Variants in ATP2B2 observed in about 807,000 individuals in gnomAD.
ATP2B2 encodes plasma membrane calcium-transporting ATPase 2.
A neutral mutation model predicts 120.0 loss-of-function variants in ATP2B2; 15 were observed. The observed-to-expected ratio is 0.12, with a 90% CI of 0.08 to 0.19. ATP2B2 has a LOEUF of 0.19. ATP2B2 is among the 10% of genes least tolerant of loss of function. The pLI is 1.00. For missense variants in ATP2B2, 1,045 were observed against 1,719.8 expected, an observed-to-expected ratio of 0.61 and a Z score of 6.94; for synonymous variants, 694 against 700.3, an observed-to-expected ratio of 0.99 and a Z score of 0.14.
chr3:10,585,061 T>C (rs1431036289), intron 2 of ATP2B2, among the ~76,000 whole-genome samples: 1 of 152,110 alleles, frequency 6.6e-6, no homozygotes, highest in Non-Finnish European at 1.5e-5. Flanking sequence ...TCACCTCTGG[T>C]CTGGATGCCG....
At chr3:10,416,802 C>G (rs1040534152) in intron 2 of ATP2B2, among the ~76,000 whole-genome samples, 2 of 150,854 alleles carry the variant, frequency 1.3e-5, no homozygotes, top group African/African-American at 2.4e-5. Flanking sequence ...ACTTTAATGT[C>G]GAAAATGCAA....
intron 2 of ATP2B2, among the ~76,000 whole-genome samples, chr3:10,618,835 T>C (rs948061035): frequency 6.6e-6 from 1 of 152,182 alleles, no homozygotes; most frequent in African/African-American, 2.4e-5. Context: ...GCCCATAATC[T>C]CTAAACTTAG....
intron 5 of ATP2B2, among the ~76,000 whole-genome samples, chr3:10,392,982 C>T (rs2061905599): frequency 6.6e-6 from 1 of 152,182 alleles, no homozygotes; most frequent in African/African-American, 2.4e-5. Context: ...GACAGAATGA[C>T]CAGATGGCGC....
chr3:10,421,609 G>A (rs1384801121), intron 2 of ATP2B2, among the ~76,000 whole-genome samples: 3 of 152,204 alleles, frequency 2.0e-5, no homozygotes, highest in African/African-American at 7.2e-5. Flanking sequence ...AAGTTCGGCT[G>A]TCACAGCATC....
rs7627143 is a variant in ATP2B2 at position 10,623,861 on chromosome 3, A to G, written c.-459-3900T>C. 2.7e-3 allele frequency among the ~76,000 whole-genome samples: 414 copies of G among 152,278 alleles called. 1 individual carries two copies. Among genetic ancestry groups the G allele is most frequent in the African/African-American group, 9.4e-3 (389 of 41,562 alleles). On this transcript the variant is annotated intron_variant, in intron 1 of 21. Coordinates refer to the ATP2B2 transcript ENST00000646379. ...CCCAAGGCCCAAACAACATGCCCTAAACAGCCTGCTTCCAAGGGAGAAGCC... is the reference window on the plus strand; with the variant it reads ...CCCAAGGCCCAAACAACATGCCCTAGACAGCCTGCTTCCAAGGGAGAAGCC...
rs563589103 is a variant in ATP2B2, at chr3:10,349,000, A to G, written c.2404+1112T>C. ...TCTGCTTCCATTAATGTCCTTGGGC[A>G]GCACCTTTGAAAGAGGAATCCAAGA... On this transcript the variant is annotated intron_variant, in intron 16 of 22. Transcript: ENST00000360273. Among the ~76,000 whole-genome samples the G allele has an allele frequency of 8.5e-5, 13 of 152,362 alleles. No homozygotes were observed. In the East Asian group the frequency reaches 2.1e-3, roughly 25 times the overall value.
intron 1 of ATP2B2, chr3:10,626,089 G>GT (rs1238570813): frequency 6.6e-6 from 1 of 152,086 alleles, no homozygotes; most frequent in Non-Finnish European, 1.5e-5. Flanking sequence ...GTACTTTTTA[G>GT]TACAGGTGTT....
At chr3:10,574,650 C>A (rs1052439382) in intron 2 of ATP2B2, among the ~76,000 whole-genome samples, 4 of 152,162 alleles carry the variant, frequency 2.6e-5, no homozygotes, top group Non-Finnish European at 5.9e-5. Context: ...CACAAAGTCA[C>A]TTGTAAAACA....
Position 10,505,502 on chromosome 3 carries a change from CCGGCGG to C in ATP2B2, c.-363_-358del, listed in dbSNP as rs2066589356. 6.6e-6 allele frequency: 1 copy of C among 151,324 alleles called. No individual in the cohort carries two copies. Among genetic ancestry groups the C allele is most frequent in the South Asian group, 2.1e-4 (1 of 4,758 alleles). 9.4% of individuals were successfully genotyped at this position (151,324 alleles called of 1,614,324 possible). A position where few individuals can be genotyped will look rare whatever the true frequency, so the allele number is the denominator to read the frequency against. Reference sequence around the variant, plus strand: ...ATCACCACCAATCCTGCACGGTTTCCCGGCGGGCAGCCCCGTAATCGCGGTGCGGCA... The same window carrying C: ...ATCACCACCAATCCTGCACGGTTTCCGCAGCCCCGTAATCGCGGTGCGGCA... On this transcript the variant is annotated 5_prime_UTR_variant, in exon 1 of 23. Transcript: ENST00000360273.
At chr3:10,556,511 T>C (rs1383100169) in intron 2 of ATP2B2, among the ~76,000 whole-genome samples, 6 of 152,212 alleles carry the variant, frequency 3.9e-5, no homozygotes. Flanking sequence ...TTCTGTCTTA[T>C]AGAAGGGGGC....
intron 1 of ATP2B2, among the ~76,000 whole-genome samples, chr3:10,502,029 C>G (rs1041439900): frequency 6.6e-6 from 1 of 152,208 alleles, no homozygotes; most frequent in Non-Finnish European, 1.5e-5. Context: ...TGACCCATAC[C>G]TGTGGCTGGG....
chr3:10,701,535 C>A (rs922658456), intron 1 of ATP2B2, among the ~76,000 whole-genome samples: 1 of 152,090 alleles, frequency 6.6e-6, no homozygotes, highest in Non-Finnish European at 1.5e-5. Context: ...TGAGGAGTGA[C>A]AGTTTGTATT....
chr3:10,376,140 G>A (rs1324164375), intron 10 of ATP2B2, among the ~76,000 whole-genome samples: 2 of 152,176 alleles, frequency 1.3e-5, no homozygotes, highest in Non-Finnish European at 2.9e-5. Context: ...GGACACAGCA[G>A]TAAAGAAGAC....
chr3:10,488,233 CT>C (rs1277121293), intron 1 of ATP2B2, among the ~76,000 whole-genome samples: 40 of 104,578 alleles, frequency 3.8e-4, no homozygotes, highest in Admixed American at 9.4e-4. Flanking sequence ...ACTCATCCAC[CT>C]ATCCATCCAT....
chr3:10,402,045 GC>G lies in ATP2B2; in HGVS notation c.655+45del. On this transcript the variant is annotated intron_variant, in intron 4 of 22. Transcript: ENST00000360273. The surrounding 1 kb of genome is among the most constrained non-coding windows in gnomAD (Gnocchi z 4.9). ...CATCAGCCTGGCCTGTCCCACCTCT[GC>G]CGGAATCCAGCTTTAGAACCTGGCT... 1 of 1,608,492 alleles carries G rather than the reference GC, an allele frequency of 6.2e-7. No individual in the cohort carries two copies. Among genetic ancestry groups the G allele is most frequent in the South Asian group, 1.1e-5 (1 of 91,056 alleles).
intron 2 of ATP2B2, among the ~76,000 whole-genome samples, chr3:10,599,559 T>C (rs933757322): frequency 6.6e-6 from 1 of 152,098 alleles, no homozygotes; most frequent in African/African-American, 2.4e-5. Context: ...CTGTCCAGCA[T>C]GGGCCCGCCA....
intron 2 of ATP2B2, among the ~76,000 whole-genome samples, chr3:10,438,239 G>C (rs1435070810): frequency 6.6e-6 from 1 of 152,148 alleles, no homozygotes; most frequent in Non-Finnish European, 1.5e-5. Context: ...AGTCTCTCAG[G>C]CTCCTATTCC....
chr3:10,554,206 C>T (rs896860420), intron 2 of ATP2B2, among the ~76,000 whole-genome samples: 2 of 152,152 alleles, frequency 1.3e-5, no homozygotes, highest in Non-Finnish European at 2.9e-5. Flanking sequence ...AAAGCAGCCA[C>T]ACCATTTCAC....
intron 3 of ATP2B2, among the ~76,000 whole-genome samples, chr3:10,530,056 T>C (rs1194712467): frequency 1.3e-5 from 2 of 152,184 alleles, no homozygotes; most frequent in Admixed American, 6.5e-5. Context: ...ACATTTCTGT[T>C]AGTTTGTGGT....
Sources: gnomAD v4.1 joint callset for allele counts (sites outside exome capture counted in the v4.1 genomes callset) on GRCh38, gnomAD v4.1.1 for gene constraint, Gnocchi (gnomAD v3.1) non-coding constraint, MANE v1.5 for transcripts, NCBI Gene and HGNC (gene_info 2026-07-23, HGNC 2026-07-21) for gene names.